The following COL5A1 variants were observed in gnomAD, a reference collection of about 807,000 sequenced individuals.
COL5A1 encodes the protein collagen alpha-1(V) chain.
Under a neutral mutation model 263.7 loss-of-function variants are expected in COL5A1, and 16 were observed. The ratio of observed to expected loss-of-function variants is 0.06; its 90% CI spans 0.04 to 0.09. The LOEUF is 0.09. Ranked by LOEUF, COL5A1 falls within the 10% of genes least tolerant of loss-of-function variation. The pLI is 1.00. For missense variants in COL5A1, 2,036 were observed against 2,540.5 expected (o/e 0.80, Z 4.27); for synonymous variants, 1,012 against 1,004.5 (o/e 1.01, Z -0.14).
At chr9:134,767,191 G>A in intron 23 of COL5A1, 119 bp from the exon 24 acceptor site, 1 of 1,422,836 alleles carries the variant, frequency 7.0e-7, no homozygotes, top group East Asian at 2.3e-5. Context: ...AGGGAGACTA[G>A]GACCTGGGTT....
At chr9:134,792,876 T>C (rs564360684) in intron 32 of COL5A1, among the ~76,000 whole-genome samples, 27 of 30,404 alleles carry the variant, frequency 8.9e-4, no homozygotes, top group Non-Finnish European at 1.6e-3. Flanking sequence ...CGCGCGTTTG[T>C]GCACACGTGT....
chr9:134,762,502 G>C (rs894255202), intron 19 of COL5A1, among the ~76,000 whole-genome samples: 3 of 152,184 alleles, frequency 2.0e-5, no homozygotes, highest in African/African-American at 7.2e-5. Context: ...CAGCATGGAC[G>C]CACAGGCCGG....
intron 46 of COL5A1, 64 bp from the exon 47 acceptor site, chr9:134,812,385 C>T: frequency 6.5e-7 from 1 of 1,533,670 alleles, no homozygotes; most frequent in South Asian, 1.1e-5. Context: ...GTCGTGAAAG[C>T]TGTGTGTGTG....
intron 1 of COL5A1, among the ~76,000 whole-genome samples, chr9:134,648,651 A>C (rs1371105622): frequency 6.6e-6 from 1 of 152,218 alleles, no homozygotes; most frequent in Admixed American, 6.5e-5. Context: ...CCTTGCCACC[A>C]GGGGCCCCAG....
At chr9:134,751,658 G>A (rs1031603421) in intron 13 of COL5A1, among the ~76,000 whole-genome samples, 18 of 151,576 alleles carry the variant, frequency 1.2e-4, no homozygotes, top group African/African-American at 3.4e-4. Flanking sequence ...ACACTGCCCC[G>A]TGGGGCGGGT....
At chr9:134,694,165 G>A (rs962787283) in intron 2 of COL5A1, among the ~76,000 whole-genome samples, 2 of 152,234 alleles carry the variant, frequency 1.3e-5, no homozygotes, top group African/African-American at 4.8e-5. Flanking sequence ...CCCTGAGCAG[G>A]CTCCCCAGAC....
chr9:134,749,441 T>A (rs953835636), intron 11 of COL5A1, among the ~76,000 whole-genome samples: 2 of 152,206 alleles, frequency 1.3e-5, no homozygotes, highest in Admixed American at 1.3e-4. Context: ...ATGGAGTTAC[T>A]TCTGCAACAA....
Position 134,823,473 on chromosome 9 carries a change from A to G in COL5A1, c.4698+4A>G. 1 of 1,614,166 alleles carries G rather than the reference A, an allele frequency of 6.2e-7. No homozygotes were observed. Among genetic ancestry groups the G allele is most frequent in the Non-Finnish European group, 8.5e-7 (1 of 1,179,988 alleles). Reference sequence around the variant, plus strand: ...CCCAGGACCCCCAGGCCCCCCGGTAAGTAGCCCTTGAAGCCCAGAAAGCGG... The same window carrying G: ...CCCAGGACCCCCAGGCCCCCCGGTAGGTAGCCCTTGAAGCCCAGAAAGCGG... On this transcript the variant is annotated splice_donor_region_variant and intron_variant, in intron 61 of 65. Transcript: ENST00000371817.
At chr9:134,760,326 C>A (rs1836310304) in intron 18 of COL5A1, among the ~76,000 whole-genome samples, 2 of 88,838 alleles carry the variant, frequency 2.3e-5, no homozygotes, top group Non-Finnish European at 2.0e-5. Context: ...ATGCACACAC[C>A]ACACATGCAC....
At chr9:134,708,325 C>T (rs993838864) in intron 4 of COL5A1, 13 of 319,812 alleles carry the variant, frequency 4.1e-5, no homozygotes, top group South Asian at 7.6e-5. Flanking sequence ...CAGGGCTTCT[C>T]GGAGGCAGTG....
rs974308616 is a variant in COL5A1 at position 134,700,698 on chromosome 9, C to A, written c.492-473C>A. On this transcript the variant is annotated intron_variant, in intron 3 of 65. Transcript: ENST00000371817. The surrounding 1 kb of genome is among the most constrained non-coding windows in gnomAD (Gnocchi z 4.0). ...TCCACTCCTTCCACCATTTCCCGTC[C>A]ACACCCGGTCTTCTCTGGCTGCCTG... Among the ~76,000 whole-genome samples, 7 of 152,254 alleles carry A rather than the reference C, an allele frequency of 4.6e-5. No individual in the cohort carries two copies. Among genetic ancestry groups the A allele is most frequent in the Non-Finnish European group, 1.0e-4 (7 of 68,052 alleles).
At position 134,794,805 on chromosome 9, in the gene COL5A1, C is replaced by A. The variant is rs1343851015; in HGVS notation, c.2701-277C>A. Among the ~76,000 whole-genome samples, 1 of 152,048 alleles carries A rather than the reference C, an allele frequency of 6.6e-6. No individual in the cohort carries two copies. Among genetic ancestry groups the A allele is most frequent in the East Asian group, 1.9e-4 (1 of 5,190 alleles). The stretch of plus-strand genomic sequence containing the variant: ...TGTAGCGGTGCTCTGAGGAAAGAAA[C>A]CAGATAATAGTATAAACATCCATCA... On this transcript the variant is annotated intron_variant, in intron 32 of 65. Transcript: ENST00000371817. This position sits in a 1 kb window ranked among gnomAD's most constrained non-coding sequence, Gnocchi z 4.3.
chr9:134,670,194 G>T (rs1425873271), intron 1 of COL5A1, among the ~76,000 whole-genome samples: 1 of 152,120 alleles, frequency 6.6e-6, no homozygotes, highest in Non-Finnish European at 1.5e-5. Context: ...GTTGGGTTTG[G>T]GTTGTTTCCA....
chr9:134,746,456 C>T (rs763290801), intron 11 of COL5A1, among the ~76,000 whole-genome samples: 7 of 152,244 alleles, frequency 4.6e-5, no homozygotes, highest in Non-Finnish European at 7.3e-5. Context: ...TTGTGCCTCT[C>T]CCCTGAGGTT....
intron 39 of COL5A1, among the ~76,000 whole-genome samples, chr9:134,804,580 G>A (rs1306714441): frequency 2.6e-5 from 4 of 152,214 alleles, no homozygotes; most frequent in Non-Finnish European, 5.9e-5. Flanking sequence ...GAAGGACCCC[G>A]GAACTCCGTG....
In COL5A1 at chr9:134,729,978, G is replaced by A. The variant is rs1250596766; in HGVS notation, c.925-258G>A. On this transcript the variant is annotated intron_variant, in intron 6 of 65. Transcript: ENST00000371817. Reference sequence around the variant, plus strand: ...ATTCACCCTTTTCTGGTGTGTAACTGGGTGGGTTTGAGTCCATTCTGAGCA... The same window carrying A: ...ATTCACCCTTTTCTGGTGTGTAACTAGGTGGGTTTGAGTCCATTCTGAGCA... Among the ~76,000 whole-genome samples, 4 of 152,328 alleles carry A rather than the reference G, an allele frequency of 2.6e-5. No homozygotes were observed. In the South Asian group the frequency reaches 8.3e-4, roughly 32 times the overall value.
chr9:134,831,740 G>A (rs1588611732), intron 64 of COL5A1, among the ~76,000 whole-genome samples: 1 of 152,218 alleles, frequency 6.6e-6, no homozygotes. Flanking sequence ...AAAGCAGAAA[G>A]AGCCTATTTT....
In COL5A1 at chr9:134,686,512, A is replaced by G. The variant is rs977772751; in HGVS notation, c.110-4400A>G. ...AGCCATCTGCCTGCCTCGGCCTCCCAAAGTGCTGGGATTCCAGTCCTGAGC... is the reference window on the plus strand; with the variant it reads ...AGCCATCTGCCTGCCTCGGCCTCCCGAAGTGCTGGGATTCCAGTCCTGAGC... On this transcript the variant is annotated intron_variant, in intron 1 of 65. Coordinates refer to ENST00000371817, the MANE Select transcript of COL5A1 (RefSeq NM_000093.5). The surrounding 1 kb of genome is among the most constrained non-coding windows in gnomAD (Gnocchi z 4.6). 1.1e-4 allele frequency among the ~76,000 whole-genome samples: 17 copies of G among 152,130 alleles called. No homozygotes were observed. Among genetic ancestry groups the G allele is most frequent in the Admixed American group, 4.6e-4 (7 of 15,280 alleles).
rs145499971 is a variant in COL5A1, at chr9:134,686,463, G to C, written c.110-4449G>C. Reference sequence around the variant, plus strand: ...GACGGGGTTTTACCATGTTGCCCAGGTTGATCTCCAACTCCCGAGCTCAAG... The same window carrying C: ...GACGGGGTTTTACCATGTTGCCCAGCTTGATCTCCAACTCCCGAGCTCAAG... On this transcript the variant is annotated intron_variant, in intron 1 of 65. Coordinates refer to ENST00000371817, the MANE Select transcript of COL5A1 (RefSeq NM_000093.5). This position sits in a 1 kb window ranked among gnomAD's most constrained non-coding sequence, Gnocchi z 4.6. 0.016 allele frequency among the ~76,000 whole-genome samples: 2,361 copies of C among 152,156 alleles called. 46 individuals are homozygous for C. Among genetic ancestry groups the C allele is most frequent in the African/African-American group, 0.053 (2,206 of 41,494 alleles).
Sources: allele counts gnomAD v4.1 joint callset (sites outside exome capture counted in the v4.1 genomes callset), GRCh38; gene constraint gnomAD v4.1.1; non-coding constraint Gnocchi (gnomAD v3.1); transcripts MANE v1.5; gene names NCBI Gene and HGNC (gene_info 2026-07-23, HGNC 2026-07-21).